The following CAPZB variants were observed in gnomAD, a reference collection of about 807,000 sequenced individuals.
CAPZB encodes F-actin-capping protein subunit beta.
In CAPZB, 2 loss-of-function variants were observed where a neutral mutation model predicts 38.1. The observed-to-expected ratio is 0.05, with a 90% CI of 0.02 to 0.17. The LOEUF (loss-of-function observed/expected upper bound fraction) is 0.17, where lower values mean the gene tolerates loss of function less well. CAPZB is among the 10% of genes least tolerant of loss of function. The pLI is 1.00. For missense variants in CAPZB, 161 were observed against 334.2 expected (o/e 0.48, Z 4.04); for synonymous variants, 107 against 127.4 (o/e 0.84, Z 1.08).
intron 1 of CAPZB, among the ~76,000 whole-genome samples, chr1:19,439,890 T>C (rs574436266): frequency 6.0e-4 from 92 of 152,230 alleles, no homozygotes; most frequent in Admixed American, 3.0e-3. Flanking sequence ...TTGGTTTTGT[T>C]TGTGCTTTTT....
rs181415289 is a variant in CAPZB at position 19,422,714 on chromosome 1, G to A, written c.4-2964C>T. 1.7e-3 allele frequency among the ~76,000 whole-genome samples: 241 copies of A among 141,888 alleles called. 1 individual carries two copies. Among genetic ancestry groups the A allele is most frequent in the African/African-American group, 5.9e-3 (220 of 37,184 alleles). 93.1% of individuals were successfully genotyped at this position (141,888 alleles called of 152,430 possible). ...ATCACTCCAGCCTGGGCGACAGAGC[G>A]AGACTCCATCTCAAAAACAACAACA... On this transcript the variant is annotated intron_variant, in intron 1 of 8. Transcript: ENST00000264202.
Position 19,485,417 on chromosome 1 carries a change from G to T in CAPZB, c.3+19C>A. The stretch of plus-strand genomic sequence containing the variant: ...CCGGAGGGGCCCCCGGGCCGGGGAG[G>T]GGGCCGTGCGGCCTTTACCATGGTG... On this transcript the variant is annotated intron_variant, in intron 1 of 8. Transcript: ENST00000264202. 1 of 1,229,040 alleles carries T rather than the reference G, an allele frequency of 8.1e-7. No homozygotes were observed. Among genetic ancestry groups the T allele is most frequent in the Non-Finnish European group, 1.0e-6 (1 of 986,048 alleles). The allele number at this position is 1,229,040 out of a possible 1,614,324, so 76.1% of individuals were successfully genotyped here. A position where few individuals can be genotyped will look rare whatever the true frequency, so the allele number is the denominator to read the frequency against.
chr1:19,398,038 A>G (rs2094281981), intron 2 of CAPZB, among the ~76,000 whole-genome samples: 1 of 152,138 alleles, frequency 6.6e-6, no homozygotes, highest in African/African-American at 2.4e-5. Context: ...TTTAGCAGAA[A>G]CGAGACACCT....
intron 8 of CAPZB, among the ~76,000 whole-genome samples, chr1:19,343,297 T>TC (rs1486861948): frequency 6.6e-6 from 1 of 152,200 alleles, no homozygotes; most frequent in Non-Finnish European, 1.5e-5. Flanking sequence ...GGACTCCTCC[T>TC]CTGTTTTAAA....
At chr1:19,426,731 C>A (rs972179359) in intron 1 of CAPZB, among the ~76,000 whole-genome samples, 1 of 152,218 alleles carries the variant, frequency 6.6e-6, no homozygotes, top group Non-Finnish European at 1.5e-5. Context: ...TAGTATGAGA[C>A]CCCAAGCCAG....
At chr1:19,420,508 C>A (rs1005823229) in intron 1 of CAPZB, among the ~76,000 whole-genome samples, 2 of 151,854 alleles carry the variant, frequency 1.3e-5, no homozygotes, top group African/African-American at 4.8e-5. Flanking sequence ...CCCCCACTTT[C>A]CAGGCTCAAG....
At chr1:19,482,964 A>C (rs2094635224) in intron 1 of CAPZB, among the ~76,000 whole-genome samples, 1 of 152,234 alleles carries the variant, frequency 6.6e-6, no homozygotes, top group African/African-American at 2.4e-5. Context: ...AATGAATATG[A>C]AATCCAAGCA....
chr1:19,341,150 G>T (rs2100219280), intron 8 of CAPZB, among the ~76,000 whole-genome samples: 1 of 152,302 alleles, frequency 6.6e-6, no homozygotes, highest in South Asian at 2.1e-4. Context: ...AAACTCCCAG[G>T]AGAAACGCAG....
At chr1:19,469,049 C>A (rs2094577770) in intron 1 of CAPZB, among the ~76,000 whole-genome samples, 1 of 152,206 alleles carries the variant, frequency 6.6e-6, no homozygotes, top group Non-Finnish European at 1.5e-5. Flanking sequence ...CTTTTCATGC[C>A]CACCCCCAAG....
intron 2 of CAPZB, among the ~76,000 whole-genome samples, chr1:19,411,876 T>C (rs902104247): frequency 1.2e-4 from 18 of 152,230 alleles, no homozygotes; most frequent in African/African-American, 4.1e-4. Context: ...GCTGCACTAC[T>C]AGGTGGCAGG....
chr1:19,354,572 C>T (rs1288134640), intron 6 of CAPZB, among the ~76,000 whole-genome samples: 1 of 152,220 alleles, frequency 6.6e-6, no homozygotes, highest in Non-Finnish European at 1.5e-5. Context: ...GCAACGCAAA[C>T]AAAGTCCGAA....
intron 6 of CAPZB, among the ~76,000 whole-genome samples, chr1:19,350,994 T>A (rs2093988588): frequency 6.6e-6 from 1 of 152,042 alleles, no homozygotes; most frequent in Non-Finnish European, 1.5e-5. Context: ...TTCCTTTTTT[T>A]TTTTTTGAGA....
rs1332526555 is a variant in CAPZB, at chr1:19,445,142, A to G, written c.4-25392T>C. Among the ~76,000 whole-genome samples the G allele has an allele frequency of 3.3e-5, 5 of 152,216 alleles. No individual in the cohort carries two copies. The South Asian group carries it at 8.3e-4, about 25-fold the overall frequency. On this transcript the variant is annotated intron_variant, in intron 1 of 8. Transcript: ENST00000264202. ...AGTGAAAACAGCCTTCATGTCCAAC[A>G]TGAGTAAATTAAGGTACAACTGTAA...
rs1342203974 is a variant in CAPZB at position 19,357,254 on chromosome 1, G to C, written c.471+168C>G. Among the ~76,000 whole-genome samples the C allele has an allele frequency of 8.4e-6, 1 of 119,674 alleles. No individual in the cohort carries two copies. Among genetic ancestry groups the C allele is most frequent in the Non-Finnish European group, 1.8e-5 (1 of 56,768 alleles). 78.5% of individuals were successfully genotyped at this position (119,674 alleles called of 152,430 possible). A position where few individuals can be genotyped will look rare whatever the true frequency, so the allele number is the denominator to read the frequency against. ...TTCTTCTGGGAACTTAATCATCAAT[G>C]ACTACTGCAGACTTATCTTTATCCA... is the stretch of plus-strand genomic sequence containing the variant. On this transcript the variant is annotated intron_variant, in intron 5 of 8. Transcript: ENST00000264202. This position sits in a 1 kb window ranked among gnomAD's most constrained non-coding sequence, Gnocchi z 4.3.
At chr1:19,343,978 A>C (rs934738811) in intron 8 of CAPZB, among the ~76,000 whole-genome samples, 2 of 152,186 alleles carry the variant, frequency 1.3e-5, no homozygotes, top group Admixed American at 6.5e-5. Context: ...AGAGCAGGCC[A>C]GCCAGAGGCA....
chr1:19,446,963 T>C (rs2094498037), intron 1 of CAPZB, among the ~76,000 whole-genome samples: 1 of 152,228 alleles, frequency 6.6e-6, no homozygotes, highest in African/African-American at 2.4e-5. Flanking sequence ...TTACCCTCTA[T>C]GGTTTGTACT....
chr1:19,476,491 G>A (rs1252769704), intron 1 of CAPZB, among the ~76,000 whole-genome samples: 1 of 152,206 alleles, frequency 6.6e-6, no homozygotes, highest in Non-Finnish European at 1.5e-5. Context: ...GGTGACCAGG[G>A]CTGGGATGGG....
intron 1 of CAPZB, among the ~76,000 whole-genome samples, chr1:19,462,081 G>C (rs1465475206): frequency 6.6e-6 from 1 of 152,062 alleles, no homozygotes; most frequent in Non-Finnish European, 1.5e-5. Flanking sequence ...AGGGCTTTGA[G>C]GCTGCAGTGA....
In CAPZB at chr1:19,371,386, C is replaced by T. The variant is rs116293801; in HGVS notation, c.329+7154G>A. ...TGCACAATTAGAAGAGCCCTGTCAC[C>T]CAGCAGCCTGGAAGGTGCTGGCTGG... On this transcript the variant is annotated intron_variant, in intron 4 of 8. Transcript: ENST00000264202. Among the ~76,000 whole-genome samples, 1,232 of 152,304 alleles carry T rather than the reference C, an allele frequency of 8.1e-3. 17 individuals carry two copies. The highest frequency in any genetic ancestry group is 0.027 in the African/African-American group (1,119 of 41,572).
Sources: gnomAD v4.1 joint callset for allele counts (sites outside exome capture counted in the v4.1 genomes callset) on GRCh38, gnomAD v4.1.1 for gene constraint, Gnocchi (gnomAD v3.1) non-coding constraint, MANE v1.5 for transcripts, NCBI Gene and HGNC (gene_info 2026-07-23, HGNC 2026-07-21) for gene names.